The following TBCK variants were observed in gnomAD, a reference collection of about 807,000 sequenced individuals.
TBCK encodes the protein TBC domain-containing protein kinase-like protein.
TBCK carries 99 observed loss-of-function variants against 113.4 expected under a neutral mutation model. The ratio of observed to expected loss-of-function variants is 0.87; its 90% CI spans 0.74 to 1.03. The LOEUF (loss-of-function observed/expected upper bound fraction) is 1.03. Ranked by LOEUF, TBCK falls within the 50% of genes least tolerant of loss-of-function variation. The probability of loss-of-function intolerance (pLI) is 0.00; values close to 1 mark genes in which losing one functional copy is unlikely to be tolerated. For missense variants in TBCK, 1,045 were observed against 1,061.3 expected (o/e 0.98, Z 0.21); for synonymous variants, 369 against 370.8 (o/e 1.00, Z 0.05).
intron 20 of TBCK, among the ~76,000 whole-genome samples, chr4:106,198,176 T>G (rs1352931502): frequency 3.3e-5 from 5 of 152,294 alleles, no homozygotes; most frequent in Non-Finnish European, 7.4e-5. Context: ...TGATGATTAC[T>G]GGATAGCGTG....
intron 25 of TBCK, among the ~76,000 whole-genome samples, chr4:106,079,981 C>A (rs1431677876): frequency 1.3e-5 from 2 of 152,098 alleles, no homozygotes; most frequent in African/African-American, 2.4e-5. Context: ...AGCAGAAAAT[C>A]CACCTCCATG....
At chr4:106,271,764 A>C (rs548552295) in intron 3 of TBCK, among the ~76,000 whole-genome samples, 14 of 151,966 alleles carry the variant, frequency 9.2e-5, no homozygotes, top group South Asian at 2.1e-4. Flanking sequence ...AAAAAAAAAA[A>C]AACAAAACAA....
At chr4:106,117,881 C>T (rs1411482038) in intron 23 of TBCK, among the ~76,000 whole-genome samples, 2 of 151,738 alleles carry the variant, frequency 1.3e-5, no homozygotes, top group African/African-American at 4.8e-5. Flanking sequence ...TGGCAGTGGG[C>T]GCCTGTAGTC....
rs6827816 is a variant in TBCK, at chr4:106,309,206, T to C, written c.-29-217A>G. ...TCAAACTCTAAGATTTTCAATGGCA[T>C]AAAAAAGAAAAGATTATTCCATTCT... is the stretch of plus-strand genomic sequence containing the variant. On this transcript the variant is annotated intron_variant, in intron 1 of 25. Coordinates refer to ENST00000394708, the MANE Select transcript of TBCK (RefSeq NM_001163435.3). Among the ~76,000 whole-genome samples the C allele has an allele frequency of 0.16, 23,499 of 149,498 alleles. 1,921 individuals are homozygous for C. The highest frequency in any genetic ancestry group is 0.26 in the South Asian group (1,205 of 4,704).
At position 106,071,788 on chromosome 4, in the gene TBCK, G is replaced by C. The variant is rs573076102; in HGVS notation, c.2571+23694C>G. 5.9e-5 allele frequency among the ~76,000 whole-genome samples: 9 copies of C among 152,316 alleles called. No homozygotes were observed. In the South Asian group the frequency reaches 1.9e-3, roughly 32 times the overall value. ...TTATGAATCTGGGTGCTCCTGTATA[G>C]GGTCCATATATATTTAGGATAGTTA... On this transcript the variant is annotated intron_variant, in intron 25 of 25. Coordinates refer to ENST00000394708, the MANE Select transcript of TBCK (RefSeq NM_001163435.3).
chr4:106,316,349 G>C, upstream of TBCK: 1 of 583,306 alleles, frequency 1.7e-6, no homozygotes, highest in Non-Finnish European at 3.1e-6. Context: ...AAAGAGGTGC[G>C]GGGGGACGGG....
chr4:106,172,923 T>C (rs1751205133), intron 22 of TBCK, among the ~76,000 whole-genome samples: 1 of 152,158 alleles, frequency 6.6e-6, no homozygotes, highest in Non-Finnish European at 1.5e-5. Flanking sequence ...ATTTGTTAAG[T>C]ATGTTACTAT....
At chr4:106,289,038 C>T (rs1429493109) in intron 3 of TBCK, among the ~76,000 whole-genome samples, 1 of 152,216 alleles carries the variant, frequency 6.6e-6, no homozygotes, top group Non-Finnish European at 1.5e-5. Flanking sequence ...ATCCGAAACA[C>T]TTCTGGTCCC....
intron 22 of TBCK, among the ~76,000 whole-genome samples, chr4:106,184,859 C>T (rs1358601253): frequency 6.6e-6 from 1 of 152,038 alleles, no homozygotes. Flanking sequence ...CAATACATTA[C>T]TGATATATGG....
chr4:106,196,214 T>A (rs1271342454), intron 20 of TBCK, among the ~76,000 whole-genome samples: 1 of 151,862 alleles, frequency 6.6e-6, no homozygotes, highest in Non-Finnish European at 1.5e-5. Context: ...TCGTTCTATA[T>A]ACACACATAT....
At chr4:106,071,404 G>A (rs530353245) in intron 25 of TBCK, among the ~76,000 whole-genome samples, 77 of 152,204 alleles carry the variant, frequency 5.1e-4, no homozygotes, top group Non-Finnish European at 9.1e-4. Flanking sequence ...GTAGTTGTGT[G>A]GTTTTGAGTG....
intron 3 of TBCK, among the ~76,000 whole-genome samples, chr4:106,284,849 C>T (rs1479601389): frequency 6.6e-6 from 1 of 152,110 alleles, no homozygotes; most frequent in Non-Finnish European, 1.5e-5. Flanking sequence ...CTCTGGAAAG[C>T]ATTTCAAAGA....
At chr4:106,108,127 CA>C (rs973943009) in intron 24 of TBCK, among the ~76,000 whole-genome samples, 1 of 151,560 alleles carries the variant, frequency 6.6e-6, no homozygotes, top group Non-Finnish European at 1.5e-5. Flanking sequence ...GCCTACCAAC[CA>C]AAAAAAACCC....
rs35152957 is a variant in TBCK, at chr4:106,161,700, CTGTGTGTG to C, written c.2235+9387_2235+9394del. ...GCTTGTTAACCAGAATTAGGTGTGT[CTGTGTGTG>C]TGTGTGTGTGTGTGTGTGTGTATGT... On this transcript the variant is annotated intron_variant, in intron 23 of 25. Coordinates refer to ENST00000394708, the MANE Select transcript of TBCK (RefSeq NM_001163435.3). Among the ~76,000 whole-genome samples, 11 of 146,382 alleles carry C rather than the reference CTGTGTGTG, an allele frequency of 7.5e-5. No homozygotes were observed. The South Asian group carries it at 1.3e-3, about 17-fold the overall frequency.
intron 25 of TBCK, among the ~76,000 whole-genome samples, chr4:106,068,075 T>C (rs1048732272): frequency 3.9e-5 from 6 of 152,310 alleles, no homozygotes; most frequent in African/African-American, 9.6e-5. Context: ...TTGGGTAGTA[T>C]TGTCATCAAA....
At chr4:106,113,462 G>A (rs1316931077) in intron 24 of TBCK, among the ~76,000 whole-genome samples, 1 of 152,144 alleles carries the variant, frequency 6.6e-6, no homozygotes, top group Admixed American at 6.5e-5. Flanking sequence ...CAGTTTTATG[G>A]AAAGATGTAA....
chr4:106,178,849 T>C (rs1751998433), intron 22 of TBCK, among the ~76,000 whole-genome samples: 1 of 151,866 alleles, frequency 6.6e-6, no homozygotes, highest in South Asian at 2.1e-4. Context: ...TTCAGCAACA[T>C]AGGCATCCAC....
chr4:106,187,902 A>G (rs1753208963), intron 22 of TBCK, among the ~76,000 whole-genome samples: 1 of 152,112 alleles, frequency 6.6e-6, no homozygotes, highest in Non-Finnish European at 1.5e-5. Flanking sequence ...TTGATTTTTT[A>G]TCCTAAAACT....
intron 25 of TBCK, among the ~76,000 whole-genome samples, chr4:106,087,129 G>C (rs1739605787): frequency 6.6e-6 from 1 of 152,292 alleles, no homozygotes; most frequent in African/African-American, 2.4e-5. Context: ...AATAGGAAGA[G>C]AGGAAGTCAA....
Sources: allele counts gnomAD v4.1 joint callset (sites outside exome capture counted in the v4.1 genomes callset), GRCh38; gene constraint gnomAD v4.1.1; transcripts MANE v1.5; gene names NCBI Gene and HGNC (gene_info 2026-07-23, HGNC 2026-07-21).